The following CENPT variants were observed in gnomAD, a reference collection of about 807,000 sequenced individuals.
The protein encoded by CENPT is interphase centromere complex protein 22.
Under a neutral mutation model 59.7 loss-of-function variants are expected in CENPT, and 42 were observed. That is an observed-to-expected ratio of 0.70 (90% CI 0.55 to 0.91). The LOEUF (loss-of-function observed/expected upper bound fraction) is 0.91. Ranked by LOEUF, CENPT falls within the 40% of genes least tolerant of loss-of-function variation. The pLI is 0.00. For missense variants in CENPT, 716 were observed against 713.4 expected, an observed-to-expected ratio of 1.00 and a Z score of -0.04; for synonymous variants, 295 against 289.6, an observed-to-expected ratio of 1.02 and a Z score of -0.19.
intron 3 of CENPT, among the ~76,000 whole-genome samples, chr16:67,834,448 C>G (rs1050941273): frequency 1.1e-4 from 16 of 151,894 alleles, no homozygotes; most frequent in African/African-American, 3.4e-4. Flanking sequence ...GCCCCCTGGT[C>G]TCTACAAAAA....
chr16:67,831,720 G>A (rs1395216978), intron 8 of CENPT, 34 bp downstream of exon 8: 2 of 1,587,596 alleles, frequency 1.3e-6, no homozygotes, highest in Admixed American at 1.8e-5. Flanking sequence ...GGACAGGAGG[G>A]AGAGGGTAGC....
rs1039821975 is a variant in CENPT at position 67,842,373 on chromosome 16, C to T, written c.-492+5028G>A. The T allele has an allele frequency of 3.8e-6, 1 of 264,346 alleles. No individual in the cohort carries two copies. The highest frequency in any genetic ancestry group is 6.4e-6 in the Non-Finnish European group (1 of 156,168). The allele number at this position is 264,346 out of a possible 1,614,324, so 16.4% of individuals were successfully genotyped here. On this transcript the variant is annotated intron_variant, in intron 1 of 15. Coordinates refer to ENST00000562787, the MANE Select transcript of CENPT (RefSeq NM_025082.4). The surrounding 1 kb of genome is among the most constrained non-coding windows in gnomAD (Gnocchi z 4.9). The stretch of plus-strand genomic sequence containing the variant: ...GCCAGGCGGGCGGCGCGGCGCGGGC[C>T]GGCAGGAAGCGTATTCTGGGCACGG...
At position 67,843,514 on chromosome 16, in the gene CENPT, A is replaced by T. The variant is rs1357712421; in HGVS notation, c.-492+3887T>A. The stretch of plus-strand genomic sequence containing the variant: ...ACGGAATGTGAACTGGTGCCCCGGC[A>T]GCCTGCTGGACTCCCAGACCCCATC... On this transcript the variant is annotated intron_variant, in intron 1 of 15. Coordinates refer to ENST00000562787, the MANE Select transcript of CENPT (RefSeq NM_025082.4). The surrounding 1 kb of genome is among the most constrained non-coding windows in gnomAD (Gnocchi z 5.7). The T allele has an allele frequency of 6.3e-7, 1 of 1,593,870 alleles. No individual in the cohort carries two copies. The highest frequency in any genetic ancestry group is 8.6e-7 in the Non-Finnish European group (1 of 1,169,396).
intron 1 of CENPT, among the ~76,000 whole-genome samples, chr16:67,846,574 G>T (rs1047831652): frequency 1.3e-5 from 2 of 152,238 alleles, no homozygotes; most frequent in African/African-American, 2.4e-5. Context: ...CCAGCTTGGG[G>T]CCGGGCTGGG....
At chr16:67,838,744 A>G (rs2057745766) in intron 1 of CENPT, among the ~76,000 whole-genome samples, 1 of 151,372 alleles carries the variant, frequency 6.6e-6, no homozygotes, top group Admixed American at 6.6e-5. Context: ...TGGCCAACAT[A>G]GTGAAACCCT....
At chr16:67,841,684 A>G (rs895072347) in intron 1 of CENPT, 2 of 152,248 alleles carry the variant, frequency 1.3e-5, no homozygotes, top group African/African-American at 4.8e-5. Flanking sequence ...GACTCCCGCA[A>G]ACTCCCGGCA....
chr16:67,843,500 A>G lies in CENPT; in HGVS notation c.-492+3901T>C, dbSNP rs1047034294. 1 of 1,603,808 alleles carries G rather than the reference A, an allele frequency of 6.2e-7. No homozygotes were observed. Among genetic ancestry groups the G allele is most frequent in the Non-Finnish European group, 8.5e-7 (1 of 1,174,302 alleles). On this transcript the variant is annotated intron_variant, in intron 1 of 15. Transcript: ENST00000562787. This position sits in a 1 kb window ranked among gnomAD's most constrained non-coding sequence, Gnocchi z 5.7. Reference sequence around the variant, plus strand: ...CATCCGCAAGAAGCACGGAATGTGAACTGGTGCCCCGGCAGCCTGCTGGAC... The same window carrying G: ...CATCCGCAAGAAGCACGGAATGTGAGCTGGTGCCCCGGCAGCCTGCTGGAC...
At chr16:67,829,272 T>G (rs1598138151) in intron 13 of CENPT, 151 bp downstream of exon 13, 1 of 591,914 alleles carries the variant, frequency 1.7e-6, no homozygotes. Flanking sequence ...ATGGCAGGGG[T>G]GCTCTTGGTG....
intron 1 of CENPT, among the ~76,000 whole-genome samples, chr16:67,835,969 C>G (rs920281468): frequency 1.3e-5 from 2 of 151,450 alleles, no homozygotes; most frequent in African/African-American, 4.9e-5. Context: ...ATGCTGGTCT[C>G]GAACTCCTCA....
intron 1 of CENPT, among the ~76,000 whole-genome samples, chr16:67,839,204 T>G (rs2057748461): frequency 6.6e-6 from 1 of 151,588 alleles, no homozygotes; most frequent in African/African-American, 2.4e-5. Context: ...CTGGCCAACA[T>G]GAGGAAAACC....
rs1316294770 is a variant in CENPT, at chr16:67,833,999, T to C, written c.-140A>G. On this transcript the variant is annotated 5_prime_UTR_variant, in exon 4 of 16. Coordinates refer to ENST00000562787, the MANE Select transcript of CENPT (RefSeq NM_025082.4). Reference sequence around the variant, plus strand: ...TCTCGCACTATCGCAGCTCGCGGGGTGGACAGTGATGGTTGCAAACTCCGG... The same window carrying C: ...TCTCGCACTATCGCAGCTCGCGGGGCGGACAGTGATGGTTGCAAACTCCGG... 3.6e-6 allele frequency: 2 copies of C among 555,028 alleles called. No homozygotes were observed. Among genetic ancestry groups the C allele is most frequent in the Non-Finnish European group, 6.0e-6 (2 of 334,898 alleles). 34.4% of individuals were successfully genotyped at this position (555,028 alleles called of 1,614,324 possible). A position where few individuals can be genotyped will look rare whatever the true frequency, so the allele number is the denominator to read the frequency against.
chr16:67,830,007 C>T lies in CENPT; in HGVS notation c.944G>A (p.Ser315Asn), dbSNP rs764066858. The part of the protein sequence containing the change: ...AFALGFLSTS[S>N]GVSGEDEVEP... ...TACTTCATCTTCTCCAGAGACACCA[C>T]TGCTGGTGCTCAGGAAGCCCAGAGC... The change falls in exon 12 of 16, where the codon AGT becomes AAT. Residue 315 changes from serine (S) to asparagine (N), a missense_variant. Transcript: ENST00000562787. The T allele has an allele frequency of 1.2e-6, 2 of 1,614,282 alleles. No individual in the cohort carries two copies. The highest frequency in any genetic ancestry group is 1.7e-6 in the Non-Finnish European group (2 of 1,180,050).
chr16:67,828,925 G>A, intron 13 of CENPT, 82 bp from the exon 14 acceptor site: 5 of 1,455,160 alleles, frequency 3.4e-6, no homozygotes, highest in Non-Finnish European at 4.6e-6. Flanking sequence ...GGCTTCTGCT[G>A]AGGCTGGGGA....
intron 1 of CENPT, among the ~76,000 whole-genome samples, chr16:67,839,109 G>A (rs541998863): frequency 1.3e-5 from 2 of 150,428 alleles, no homozygotes; most frequent in Admixed American, 6.6e-5. Flanking sequence ...AAATTAGGTC[G>A]GGTGCGGTGG....
intron 1 of CENPT, among the ~76,000 whole-genome samples, chr16:67,837,229 A>G (rs1318027367): frequency 1.3e-5 from 2 of 151,432 alleles, no homozygotes; most frequent in African/African-American, 4.9e-5. Context: ...CTGGAGTGCA[A>G]TGGTGGGATC....
Position 67,831,809 on chromosome 16 carries a change from C to T in CENPT, c.468G>A (p.Arg156=). Reference sequence around the variant, plus strand: ...CCTGCTGAAACACTGACAGTCTCAGCCTCTGTTTCCTCCTGCCAGGGGCCA... The same window carrying T: ...CCTGCTGAAACACTGACAGTCTCAGTCTCTGTTTCCTCCTGCCAGGGGCCA... ...GLLAPGRRKQ[R]LRLSVFQQGV... Residue 156 remains arginine, a synonymous_variant, in exon 8 of 16, where the codon AGG becomes AGA. Transcript: ENST00000562787. The T allele has an allele frequency of 6.2e-7, 1 of 1,600,830 alleles. No homozygotes were observed. Among genetic ancestry groups the T allele is most frequent in the Non-Finnish European group, 8.5e-7 (1 of 1,174,576 alleles).
At chr16:67,831,939 CT>C in intron 7 of CENPT, 49 bp from the exon 8 acceptor site, 1 of 1,593,004 alleles carries the variant, frequency 6.3e-7, no homozygotes, top group Non-Finnish European at 8.5e-7. Flanking sequence ...CCAATTCTGG[CT>C]TTTGCAACCC....
intron 12 of CENPT, 31 bp downstream of exon 12, chr16:67,829,734 C>A: frequency 6.2e-7 from 1 of 1,601,284 alleles, no homozygotes; most frequent in Non-Finnish European, 8.5e-7. Flanking sequence ...ACACAGCTGT[C>A]ACCAGTCACT....
In CENPT at chr16:67,833,832, A is replaced by G. The variant is rs775718588; in HGVS notation, c.28T>C (p.Ser10Pro). The G allele has an allele frequency of 1.3e-6, 2 of 1,572,268 alleles. No individual in the cohort carries two copies. The highest frequency in any genetic ancestry group is 1.4e-5 in the African/African-American group (1 of 72,230). ...CGTCGCAGCAGCGTGCGCGGCGTGGAGTCGCTGTCAGGGTTGTGGTCAGCC... is the reference window on the plus strand; with the variant it reads ...CGTCGCAGCAGCGTGCGCGGCGTGGGGTCGCTGTCAGGGTTGTGGTCAGCC... MADHNPDSD[S>P]TPRTLLRRVL... Residue 10 changes from serine to proline, a missense_variant, in exon 4 of 16, where the codon TCC becomes CCC. Physicochemically the swap from Ser to Pro is moderately conservative, Grantham distance 74. Coordinates refer to ENST00000562787, the MANE Select transcript of CENPT (RefSeq NM_025082.4).
Sources: gnomAD v4.1 joint callset for allele counts (sites outside exome capture counted in the v4.1 genomes callset) on GRCh38, gnomAD v4.1.1 for gene constraint, Gnocchi (gnomAD v3.1) non-coding constraint, MANE v1.5 for transcripts, NCBI Gene and HGNC (gene_info 2026-07-23, HGNC 2026-07-21) for gene names.